Variants in SUGP2 observed in about 807,000 individuals in gnomAD.
SUGP2 encodes the protein SURP and G-patch domain-containing protein 2.
In SUGP2, 24 loss-of-function variants were observed where a neutral mutation model predicts 90.5. The observed-to-expected ratio is 0.27, with a 90% CI of 0.19 to 0.37. The LOEUF (loss-of-function observed/expected upper bound fraction) is 0.37, where lower values mean the gene tolerates loss of function less well. Ranked by LOEUF, SUGP2 falls within the 10% of genes least tolerant of loss-of-function variation. SUGP2 has a pLI of 1.00. For missense variants in SUGP2, 1,233 were observed against 1,363.3 expected, an observed-to-expected ratio of 0.90 and a Z score of 1.51; for synonymous variants, 473 against 513.4, an observed-to-expected ratio of 0.92 and a Z score of 1.06.
In SUGP2 at chr19:19,025,665, T is replaced by C; in HGVS notation, c.683A>G (p.Lys228Arg). The C allele has an allele frequency of 8.1e-6, 13 of 1,613,994 alleles. No homozygotes were observed. Among genetic ancestry groups the C allele is most frequent in the Non-Finnish European group, 1.1e-5 (13 of 1,179,978 alleles). The stretch of plus-strand genomic sequence containing the variant: ...TGTGAGCAGGCCCTGAGTCTCCCCC[T>C]TTCCTAGGAGGGAACCTTCCTGGTC... ...IVDQEGSLLG[K>R]GETQGLLTAK... Residue 228 changes from lysine (K) to arginine (R), a missense_variant, in exon 3 of 11, where the codon AAG becomes AGG. This residue lies in a region of SUGP2 where 418 missense variants were observed against 399.9 expected (regional missense o/e 1.05). Coordinates refer to ENST00000452918, the MANE Select transcript of SUGP2 (RefSeq NM_001017392.5).
intron 1 of SUGP2, among the ~76,000 whole-genome samples, chr19:19,031,580 G>A (rs1225142196): frequency 1.3e-5 from 2 of 150,176 alleles, no homozygotes; most frequent in Non-Finnish European, 3.0e-5. Context: ...GCACGTGCCT[G>A]TAATCCCAAA....
chr19:18,994,866 C>T, intron 9 of SUGP2: 2 of 567,666 alleles, frequency 3.5e-6, no homozygotes, highest in East Asian at 3.0e-5. Flanking sequence ...ACGGAAACTA[C>T]ACAGAAATAC....
intron 8 of SUGP2, 131 bp downstream of exon 8, chr19:19,001,482 T>A: frequency 2.2e-6 from 2 of 928,600 alleles, no homozygotes; most frequent in Non-Finnish European, 3.4e-6. Context: ...AAGTCTCTGT[T>A]GTGTTTTACA....
intron 8 of SUGP2, among the ~76,000 whole-genome samples, chr19:18,995,669 A>G (rs1417442375): frequency 6.6e-6 from 1 of 152,230 alleles, no homozygotes; most frequent in East Asian, 1.9e-4. Flanking sequence ...GGGGGGCACC[A>G]GGGCACAGGC....
chr19:19,009,827 G>C lies in SUGP2; in HGVS notation c.2338+28C>G, dbSNP rs138939870. 9.2e-4 allele frequency: 1,438 copies of C among 1,569,802 alleles called. 18 individuals carry two copies. In the African/African-American group the frequency reaches 0.019, roughly 20 times the overall value. Reference sequence around the variant, plus strand: ...ATGGGAGAGTAGGGACTGGGGCCCAGAGGAGGGGGACAGGAGTGAGCACCC... The same window carrying C: ...ATGGGAGAGTAGGGACTGGGGCCCACAGGAGGGGGACAGGAGTGAGCACCC... On this transcript the variant is annotated intron_variant, in intron 5 of 10. Coordinates refer to ENST00000452918, the MANE Select transcript of SUGP2 (RefSeq NM_001017392.5).
At chr19:19,002,162 C>T (rs1362868064) in intron 7 of SUGP2, among the ~76,000 whole-genome samples, 1 of 152,102 alleles carries the variant, frequency 6.6e-6, no homozygotes, top group Non-Finnish European at 1.5e-5. Context: ...GGCGGATCAC[C>T]CGAGGTTAGG....
chr19:19,005,371 T>A (rs1196321932), intron 6 of SUGP2, among the ~76,000 whole-genome samples: 2 of 152,082 alleles, frequency 1.3e-5, no homozygotes, highest in East Asian at 3.8e-4. Flanking sequence ...TATTAATATA[T>A]CCCAATAAAA....
intron 7 of SUGP2, among the ~76,000 whole-genome samples, chr19:19,001,963 C>T (rs1480184066): frequency 2.6e-5 from 4 of 152,172 alleles, no homozygotes; most frequent in Non-Finnish European, 5.9e-5. Flanking sequence ...AGAGTCCCCA[C>T]ATTTATAACA....
chr19:19,002,997 T>C (rs1428198806), intron 7 of SUGP2, among the ~76,000 whole-genome samples: 1 of 152,026 alleles, frequency 6.6e-6, no homozygotes, highest in African/African-American at 2.4e-5. Context: ...CTTGTAAAGA[T>C]TAGGTCTGGC....
At chr19:19,023,475 A>G (rs8111634) in intron 3 of SUGP2, among the ~76,000 whole-genome samples, 111,853 of 151,978 alleles carry the variant, frequency 0.74, 41,305 homozygotes, top group East Asian at 0.89. Context: ...TTTCAGACAT[A>G]TGCTACCACC....
chr19:18,995,460 T>G (rs2057537265), intron 8 of SUGP2, among the ~76,000 whole-genome samples, 180 bp from the exon 9 acceptor site: 1 of 152,144 alleles, frequency 6.6e-6, no homozygotes, highest in Admixed American at 6.5e-5. Flanking sequence ...GGATGGAACT[T>G]CTAAGTCAGA....
chr19:19,004,601 C>G lies in SUGP2; in HGVS notation c.2496G>C (p.Lys832Asn), dbSNP rs1363449030. The change falls in exon 7 of 11, where the codon AAG (lysine) becomes AAC (asparagine). Residue 832 changes from lysine to asparagine, a missense_variant. Physicochemically the swap from Lys to Asn is moderately conservative, Grantham distance 94. Around this residue, in one of 8 missense-constraint regions of SUGP2, gnomAD observed 540 missense variants for 542.6 expected, o/e 1.00. Transcript: ENST00000452918. ...QNSSAFKFYR[K>N]KVFELCPSIC... ...TTGATGGACATAGTTCAAACACTTT[C>G]TTTCGATAGAATTTGAAAGCAGAAC... The G allele has an allele frequency of 3.1e-6, 5 of 1,613,030 alleles. No homozygotes were observed. The highest frequency in any genetic ancestry group is 3.3e-4 in the Middle Eastern group (2 of 6,082).
At chr19:19,017,099 AG>A (rs2058526591) in intron 4 of SUGP2, among the ~76,000 whole-genome samples, 1 of 152,196 alleles carries the variant, frequency 6.6e-6, no homozygotes, top group South Asian at 2.1e-4. Context: ...ACTACCAAAA[AG>A]GGCACACTCA....
At position 19,022,010 on chromosome 19, in the gene SUGP2, G is replaced by T. The variant is rs575824974; in HGVS notation, c.1729+2609C>A. On this transcript the variant is annotated intron_variant, in intron 3 of 10. Coordinates refer to ENST00000452918, the MANE Select transcript of SUGP2 (RefSeq NM_001017392.5). ...TCTTTTTTTTCTTTTTTTGGAGACA[G>T]AGTCTCGCTCTGTCGCCAGGCTGGA... 3.3e-5 allele frequency among the ~76,000 whole-genome samples: 5 copies of T among 151,564 alleles called. No individual in the cohort carries two copies. In the South Asian group the frequency reaches 8.3e-4, roughly 25 times the overall value.
rs151266471 is a variant in SUGP2, at chr19:18,995,270, T to G, written c.3002A>C (p.Asp1001Ala). The G allele has an allele frequency of 4.4e-6, 7 of 1,607,158 alleles. No homozygotes were observed. The highest frequency in any genetic ancestry group is 5.1e-6 in the Non-Finnish European group (6 of 1,177,024). The change falls in exon 9 of 11, where the codon GAC (aspartate) becomes GCC (alanine). Residue 1001 changes from aspartate to alanine, a missense_variant. By Grantham distance (126) the Asp-to-Ala change is moderately radical. This residue lies in a region of SUGP2 where 105 missense variants were observed against 155.2 expected (regional missense o/e 0.68). Coordinates refer to ENST00000452918, the MANE Select transcript of SUGP2 (RefSeq NM_001017392.5). Reference protein sequence around the residue: ...RPMSKKKKPKDLDFAQQKLTD... With the variant: ...RPMSKKKKPKALDFAQQKLTD... ...CAGCTTCTGCTGGGCGAAGTCCAAG[T>G]CCTTGGGTTTCTGAGGAGAGAGGAG...
chr19:19,007,056 C>G (rs2058102954), intron 6 of SUGP2, among the ~76,000 whole-genome samples: 1 of 152,224 alleles, frequency 6.6e-6, no homozygotes, highest in Admixed American at 6.5e-5. Context: ...AGGGTTCTGG[C>G]TCAGTAATGG....
upstream of SUGP2, chr19:19,033,527 A>G: frequency 7.2e-7 from 1 of 1,396,392 alleles, no homozygotes; most frequent in Non-Finnish European, 9.3e-7. Context: ...CATGCAAATG[A>G]ACCAACGGTC....
intron 8 of SUGP2, 33 bp downstream of exon 8, chr19:19,001,580 C>A (rs1218000902): frequency 6.2e-7 from 1 of 1,609,808 alleles, no homozygotes; most frequent in Non-Finnish European, 8.5e-7. Context: ...ACCAACTATA[C>A]TTTGAGTGAG....
At chr19:19,003,183 C>G (rs2057916060) in intron 7 of SUGP2, among the ~76,000 whole-genome samples, 1 of 152,204 alleles carries the variant, frequency 6.6e-6, no homozygotes, top group Non-Finnish European at 1.5e-5. Context: ...ATTTTTCAAA[C>G]ACAAAACATG....
Sources: allele counts gnomAD v4.1 joint callset (sites outside exome capture counted in the v4.1 genomes callset), GRCh38; gene constraint gnomAD v4.1.1; regional missense constraint gnomAD v4.1.1; transcripts MANE v1.5; gene names NCBI Gene and HGNC (gene_info 2026-07-23, HGNC 2026-07-21).